CFAP298: variants seen among roughly 807,000 people sequenced by gnomAD.
The protein encoded by CFAP298 is cilia and flagella associated protein 298.
Under a neutral mutation model 41.0 loss-of-function variants are expected in CFAP298, and 38 were observed. That is an observed-to-expected ratio of 0.93 (90% confidence interval 0.72 to 1.22). The LOEUF (loss-of-function observed/expected upper bound fraction) is 1.22. Among genes scored for constraint, CFAP298 ranks in the 50% most tolerant of loss-of-function variants. CFAP298 has a pLI of 0.00. For synonymous variants in CFAP298, 137 were observed against 135.3 expected (o/e 1.01, Z -0.09); for missense variants, 348 against 360.3 (o/e 0.97, Z 0.28).
At chr21:32,610,506 C>CA in intron 1 of CFAP298, among the ~76,000 whole-genome samples, 1 of 152,304 alleles carries the variant, frequency 6.6e-6, no homozygotes, top group Non-Finnish European at 1.5e-5. Context: ...CGCCCGGCCC[C>CA]ATCCTTGTCT....
rs998237234 is a variant in CFAP298 at position 32,600,709 on chromosome 21, T to C, written c.*1154A>G. 3.9e-5 allele frequency among the ~76,000 whole-genome samples: 6 copies of C among 152,202 alleles called. No individual in the cohort carries two copies. The highest frequency in any genetic ancestry group is 2.6e-4 in the Admixed American group (4 of 15,284). On this transcript the variant is annotated 3_prime_UTR_variant, in exon 7 of 7. Coordinates refer to ENST00000290155, the MANE Select transcript of CFAP298 (RefSeq NM_021254.4). The stretch of plus-strand genomic sequence containing the variant: ...TGTCCTAGATACTCAGTTAGGATGA[T>C]AGTGATCCCATCCATCCCGTGGTTG...
At chr21:32,611,577 G>A (rs907718994) in intron 1 of CFAP298, among the ~76,000 whole-genome samples, 8 of 151,794 alleles carry the variant, frequency 5.3e-5, no homozygotes, top group Non-Finnish European at 1.5e-5. Flanking sequence ...GGCAAAGCGG[G>A]TGCCCTGGAA....
At chr21:32,603,820 AG>A (rs2038806880) in intron 4 of CFAP298, among the ~76,000 whole-genome samples, 1 of 152,230 alleles carries the variant, frequency 6.6e-6, no homozygotes, top group African/African-American at 2.4e-5. Context: ...GGGTAGAAAT[AG>A]GAAGAAATTA....
At position 32,603,305 on chromosome 21, in the gene CFAP298, G is replaced by C. The variant is rs376947377; in HGVS notation, c.535-13C>G. ...CGTTGAGCCCTGCCTGGGGCCAGTC[G>C]TAAGAATGGCTTGACTGTGTGTTCC... is the stretch of plus-strand genomic sequence containing the variant. On this transcript the variant is annotated splice_polypyrimidine_tract_variant and intron_variant, in intron 4 of 6. Coordinates refer to ENST00000290155, the MANE Select transcript of CFAP298 (RefSeq NM_021254.4). 3.1e-6 allele frequency: 5 copies of C among 1,613,730 alleles called. No individual in the cohort carries two copies. The highest frequency in any genetic ancestry group is 2.7e-5 in the African/African-American group (2 of 75,058).
chr21:32,608,803 A>C (rs1179187514), intron 2 of CFAP298, among the ~76,000 whole-genome samples: 4 of 151,696 alleles, frequency 2.6e-5, no homozygotes, highest in Non-Finnish European at 1.5e-5. Flanking sequence ...TGTGGAAGAC[A>C]ACCATTTTTC....
intron 6 of CFAP298, 97 bp from the exon 7 acceptor site, chr21:32,602,070 C>A: frequency 1.1e-6 from 1 of 907,160 alleles, no homozygotes; most frequent in Non-Finnish European, 1.8e-6. Context: ...CTCCCCCTCT[C>A]CCTGCCCTCT....
At chr21:32,603,344 G>T in intron 4 of CFAP298, 52 bp from the exon 5 acceptor site, 1 of 1,593,442 alleles carries the variant, frequency 6.3e-7, no homozygotes. Flanking sequence ...CCAGGGGGCA[G>T]AGCCCAGCTG....
rs1026493904 is a variant in CFAP298 at position 32,599,461 on chromosome 21, C to T, written c.*2402G>A. 2.6e-5 allele frequency among the ~76,000 whole-genome samples: 4 copies of T among 152,104 alleles called. No individual in the cohort carries two copies. Among genetic ancestry groups the T allele is most frequent in the African/African-American group, 7.2e-5 (3 of 41,404 alleles). On this transcript the variant is annotated 3_prime_UTR_variant, in exon 7 of 7. Transcript: ENST00000290155. Reference sequence around the variant, plus strand: ...CAAAACCACAGACCTAGATGGGCACCGTGCATACAGCAGACACTTGGTTTC... The same window carrying T: ...CAAAACCACAGACCTAGATGGGCACTGTGCATACAGCAGACACTTGGTTTC...
At chr21:32,611,450 A>G (rs917308596) in intron 1 of CFAP298, among the ~76,000 whole-genome samples, 4 of 150,236 alleles carry the variant, frequency 2.7e-5, no homozygotes, top group Non-Finnish European at 5.9e-5. Context: ...ATGCAAATGT[A>G]AAATTCGGTT....
rs1342096414 is a variant in CFAP298, at chr21:32,603,250, A to G, written c.577T>C (p.Trp193Arg). 6.2e-7 allele frequency: 1 copy of G among 1,613,912 alleles called. No individual in the cohort carries two copies. Among genetic ancestry groups the G allele is most frequent in the Non-Finnish European group, 8.5e-7 (1 of 1,179,916 alleles). The change falls in exon 5 of 7, where the codon TGG (tryptophan) becomes CGG (arginine). Residue 193 changes from tryptophan (W) to arginine (R), a missense_variant. Physicochemically the swap from Trp to Arg is moderately radical, Grantham distance 101 (BLOSUM62 -3). Coordinates refer to ENST00000290155, the MANE Select transcript of CFAP298 (RefSeq NM_021254.4). ...GTTCTTCTCAGCTCCTTGGCTGCCCACCACAGCTGCGCCTCTGCCTCTTTA... is the reference window on the plus strand; with the variant it reads ...GTTCTTCTCAGCTCCTTGGCTGCCCGCCACAGCTGCGCCTCTGCCTCTTTA... Reference protein sequence around the residue: ...VIKEAEAQLWWAAKELRRTKK... With the variant: ...VIKEAEAQLWRAAKELRRTKK...
intron 5 of CFAP298, 115 bp downstream of exon 5, chr21:32,603,046 A>G (rs749236595): frequency 1.6e-5 from 22 of 1,380,314 alleles, no homozygotes; most frequent in African/African-American, 8.6e-5. Context: ...ACCCGAGCCA[A>G]TAAGATTAAA....
intron 1 of CFAP298, among the ~76,000 whole-genome samples, chr21:32,611,625 G>A (rs1005061290): frequency 6.6e-6 from 1 of 151,872 alleles, no homozygotes; most frequent in East Asian, 1.9e-4. Flanking sequence ...CAACGCAACA[G>A]GCCGTTTCCA....
intron 1 of CFAP298, 100 bp downstream of exon 1, chr21:32,612,005 A>C (rs1050356769): frequency 1.5e-6 from 2 of 1,321,780 alleles, no homozygotes; most frequent in Non-Finnish European, 2.0e-6. Flanking sequence ...TCTCTTCAAT[A>C]ATCTTCACAA....
Position 32,599,732 on chromosome 21 carries a change from G to A in CFAP298, c.*2131C>T, listed in dbSNP as rs917936216. Among the ~76,000 whole-genome samples the A allele has an allele frequency of 6.6e-6, 1 of 152,128 alleles. No individual in the cohort carries two copies. The highest frequency in any genetic ancestry group is 2.4e-5 in the African/African-American group (1 of 41,418). ...AACACACACAGCACGGTGCCACAGC[G>A]GGCACCACCTGCCCCCCGCCGTCAC... is the stretch of plus-strand genomic sequence containing the variant. On this transcript the variant is annotated 3_prime_UTR_variant, in exon 7 of 7. Coordinates refer to ENST00000290155, the MANE Select transcript of CFAP298 (RefSeq NM_021254.4).
At chr21:32,604,649 A>C in intron 3 of CFAP298, 1 of 229,916 alleles carries the variant, frequency 4.3e-6, no homozygotes, top group Non-Finnish European at 8.6e-6. Flanking sequence ...AGATGGCAGC[A>C]GGTGCTTCAG....
At position 32,601,980 on chromosome 21, in the gene CFAP298, A is replaced by G; in HGVS notation, c.763-7T>C. 2 of 1,526,590 alleles carry G rather than the reference A, an allele frequency of 1.3e-6. No individual in the cohort carries two copies. Among genetic ancestry groups the G allele is most frequent in the East Asian group, 2.2e-5 (1 of 44,460 alleles). 94.6% of individuals were successfully genotyped at this position (1,526,590 alleles called of 1,614,324 possible). ...CATCATTTTCTTCCAATCTCTGGAAATAAGTATGTTTTATTCAGGCAGGCA... is the reference window on the plus strand; with the variant it reads ...CATCATTTTCTTCCAATCTCTGGAAGTAAGTATGTTTTATTCAGGCAGGCA... On this transcript the variant is annotated splice_polypyrimidine_tract_variant and splice_region_variant and intron_variant, in intron 6 of 6. Coordinates refer to ENST00000290155, the MANE Select transcript of CFAP298 (RefSeq NM_021254.4).
At chr21:32,605,926 C>G (rs1462786944) in intron 3 of CFAP298, among the ~76,000 whole-genome samples, 1 of 152,088 alleles carries the variant, frequency 6.6e-6, no homozygotes, top group Non-Finnish European at 1.5e-5. Context: ...CAAAAGGCTA[C>G]AGGAGAGCCT....
chr21:32,603,357 C>A (rs988453110), intron 4 of CFAP298, 65 bp from the exon 5 acceptor site: 4 of 1,573,910 alleles, frequency 2.5e-6, no homozygotes, highest in African/African-American at 2.7e-5. Context: ...CCCAGCTGAG[C>A]CCCTCCCAGC....
At chr21:32,610,768 C>A (rs930414287) in intron 1 of CFAP298, among the ~76,000 whole-genome samples, 6 of 152,112 alleles carry the variant, frequency 3.9e-5, no homozygotes, top group Non-Finnish European at 7.4e-5. Flanking sequence ...GCAAAACTCA[C>A]ATATTCATAT....
Sources: allele counts gnomAD v4.1 joint callset (sites outside exome capture counted in the v4.1 genomes callset), GRCh38; gene constraint gnomAD v4.1.1; transcripts MANE v1.5; gene names NCBI Gene and HGNC (gene_info 2026-07-23, HGNC 2026-07-21).